Variants in MTG1 observed in about 807,000 individuals in gnomAD.
The protein encoded by MTG1 is mitochondrial ribosome-associated GTPase 1.
MTG1 carries 30 observed loss-of-function variants against 39.5 expected under a neutral mutation model. The ratio of observed to expected loss-of-function variants is 0.76; its 90% CI spans 0.57 to 1.03. The LOEUF (loss-of-function observed/expected upper bound fraction) is 1.03, where lower values mean the gene tolerates loss of function less well. Among genes scored for constraint, MTG1 ranks in the 50% least tolerant of loss-of-function variants. The pLI is 0.00. For missense variants in MTG1, 513 were observed against 447.4 expected, an observed-to-expected ratio of 1.15 and a Z score of -1.32; for synonymous variants, 217 against 179.0, an observed-to-expected ratio of 1.21 and a Z score of -1.69.
chr10:133,419,492 C>CTACG lies in MTG1; in HGVS notation c.766_769dup (p.Gly257ValfsTer8). The CTACG allele has an allele frequency of 1.9e-6, 3 of 1,601,128 alleles. No individual in the cohort carries two copies. The highest frequency in any genetic ancestry group is 2.6e-6 in the Non-Finnish European group (3 of 1,174,412). The stretch of plus-strand genomic sequence containing the variant: ...AGCCTATGTGCAGGTACGTGCAGCA[C>CTACG]TACGGCCTGGGCAGTGCCTGTGACA... On this transcript the variant is annotated frameshift_variant, in exon 10 of 11. Coordinates refer to ENST00000317502, the MANE Select transcript of MTG1 (RefSeq NM_138384.4). LOFTEE classifies it high-confidence loss of function.
intron 9 of MTG1, among the ~76,000 whole-genome samples, chr10:133,411,212 A>AT (rs61096899): frequency 0.26 from 39,154 of 151,000 alleles, 5,277 homozygotes; most frequent in Admixed American, 0.34. Flanking sequence ...TGACAGTTGC[A>AT]TTTTTTTTTC....
intron 9 of MTG1, among the ~76,000 whole-genome samples, chr10:133,416,716 CTACAAAGGACATGAACTCATCATTTT>C (rs1039275437): frequency 3.4e-5 from 5 of 146,280 alleles, no homozygotes; most frequent in Non-Finnish European, 7.5e-5. Context: ...ATCCATGTCC[CTACAAAGGACATGAACTCATCATTTT>C]TTATGGCTGC....
intron 9 of MTG1, among the ~76,000 whole-genome samples, chr10:133,413,064 A>G (rs1412345094): frequency 6.6e-6 from 1 of 152,144 alleles, no homozygotes; most frequent in East Asian, 1.9e-4. Context: ...TTTATCCTTC[A>G]GAATATTCTC....
Position 133,421,094 on chromosome 10 carries a change from G to A in MTG1, c.*929G>A, listed in dbSNP as rs1850225110. On this transcript the variant is annotated 3_prime_UTR_variant, in exon 11 of 11. Coordinates refer to ENST00000317502, the MANE Select transcript of MTG1 (RefSeq NM_138384.4). Reference sequence around the variant, plus strand: ...GAAGCTCCGGCTGCCTCTTTGCGGTGGTGGCCTGACCGTCCCACAGCAGCC... The same window carrying A: ...GAAGCTCCGGCTGCCTCTTTGCGGTAGTGGCCTGACCGTCCCACAGCAGCC... 1 of 152,464 alleles carries A rather than the reference G, an allele frequency of 6.6e-6. No homozygotes were observed. The highest frequency in any genetic ancestry group is 1.5e-5 in the Non-Finnish European group (1 of 68,272). 9.4% of individuals were successfully genotyped at this position (152,464 alleles called of 1,614,324 possible). A position where few individuals can be genotyped will look rare whatever the true frequency, so the allele number is the denominator to read the frequency against.
chr10:133,395,735 C>T lies in MTG1; in HGVS notation c.135C>T (p.Ser45=), dbSNP rs763735413. The T allele has an allele frequency of 6.2e-7, 1 of 1,614,096 alleles. No individual in the cohort carries two copies. The highest frequency in any genetic ancestry group is 8.5e-7 in the Non-Finnish European group (1 of 1,180,022). ...CAGGGCTGAAGAAGATGCAGAGCAG[C>T]CTGAAGCTGGTGGACTGTATCATCG... is the stretch of plus-strand genomic sequence containing the variant. ...MAKGLKKMQS[S]LKLVDCIIEV... The change falls in exon 2 of 11, where the codon AGC becomes AGT. Residue 45 remains serine (S), a synonymous_variant. Transcript: ENST00000317502.
intron 9 of MTG1, among the ~76,000 whole-genome samples, chr10:133,411,918 C>A (rs935197041): frequency 1.3e-5 from 2 of 151,904 alleles, no homozygotes; most frequent in African/African-American, 2.4e-5. Context: ...TGAGCGCTTA[C>A]ACGTTGCCAT....
intron 9 of MTG1, among the ~76,000 whole-genome samples, chr10:133,414,465 G>T (rs1850091910): frequency 6.6e-6 from 1 of 152,100 alleles, no homozygotes; most frequent in African/African-American, 2.4e-5. Context: ...CCGGGCAGAG[G>T]GGCTCCTCAC....
intron 9 of MTG1, among the ~76,000 whole-genome samples, chr10:133,403,862 C>T (rs376551097): frequency 2.6e-5 from 4 of 152,028 alleles, no homozygotes; most frequent in Admixed American, 6.6e-5. Context: ...CATTGTTTTC[C>T]AAGGTAGTTA....
At position 133,420,354 on chromosome 10, in the gene MTG1, G is replaced by C; in HGVS notation, c.*189G>C. Reference sequence around the variant, plus strand: ...TGCAGGGCCCAAGCAGGTGGGAGTGGACACCAGGCTTCCCAGTGGACGTCC... The same window carrying C: ...TGCAGGGCCCAAGCAGGTGGGAGTGCACACCAGGCTTCCCAGTGGACGTCC... On this transcript the variant is annotated 3_prime_UTR_variant, in exon 11 of 11. Transcript: ENST00000317502. 1 of 594,252 alleles carries C rather than the reference G, an allele frequency of 1.7e-6. No individual in the cohort carries two copies. Among genetic ancestry groups the C allele is most frequent in the Non-Finnish European group, 2.7e-6 (1 of 366,994 alleles). The allele number at this position is 594,252 out of a possible 1,614,324, so 36.8% of individuals were successfully genotyped here.
chr10:133,410,781 A>G (rs906875061), intron 9 of MTG1, among the ~76,000 whole-genome samples: 1 of 152,248 alleles, frequency 6.6e-6, no homozygotes, highest in African/African-American at 2.4e-5. Context: ...TTAAAAAACA[A>G]TCATTTTAAA....
At chr10:133,399,416 C>A in intron 5 of MTG1, 113 bp from the exon 6 acceptor site, 2 of 1,236,836 alleles carry the variant, frequency 1.6e-6, no homozygotes, top group Non-Finnish European at 1.2e-6. Flanking sequence ...GCGTTAACCT[C>A]CCTTCTTCCC....
At chr10:133,404,476 C>T (rs57019094) in intron 9 of MTG1, among the ~76,000 whole-genome samples, 76 of 37,376 alleles carry the variant, frequency 2.0e-3, no homozygotes, top group Admixed American at 0.013. Context: ...ATCAGAGATA[C>T]GGTTTGTAAA....
chr10:133,404,091 T>A (rs199971601), intron 9 of MTG1, among the ~76,000 whole-genome samples: 3 of 124,084 alleles, frequency 2.4e-5, no homozygotes, highest in African/African-American at 5.7e-5. Flanking sequence ...TTTTTTTTTT[T>A]AACTGAGTTG....
At chr10:133,409,616 T>A (rs1219742486) in intron 9 of MTG1, among the ~76,000 whole-genome samples, 1 of 151,100 alleles carries the variant, frequency 6.6e-6, no homozygotes, top group Non-Finnish European at 1.5e-5. Context: ...GGAGAGGGGG[T>A]GTTGAAGCCC....
At chr10:133,397,250 G>A (rs1003840080) in intron 3 of MTG1, among the ~76,000 whole-genome samples, 3 of 152,020 alleles carry the variant, frequency 2.0e-5, no homozygotes, top group Admixed American at 6.5e-5. Context: ...CTCTCTCTCT[G>A]CCTTGGCTGC....
In MTG1 at chr10:133,412,107, A is replaced by G. The variant is rs140609089; in HGVS notation, c.753-7373A>G. Reference sequence around the variant, plus strand: ...TTTGCTTAGAGGTTTTTTGCAGCTTACTTTCTGCCTGGAGTTTTTTTCACT... The same window carrying G: ...TTTGCTTAGAGGTTTTTTGCAGCTTGCTTTCTGCCTGGAGTTTTTTTCACT... On this transcript the variant is annotated intron_variant, in intron 9 of 10. Coordinates refer to ENST00000317502, the MANE Select transcript of MTG1 (RefSeq NM_138384.4). 4.6e-3 allele frequency among the ~76,000 whole-genome samples: 690 copies of G among 151,028 alleles called. 3 individuals are homozygous for G. Among genetic ancestry groups the G allele is most frequent in the Non-Finnish European group, 7.8e-3 (531 of 67,806 alleles).
In MTG1 at chr10:133,402,100, G is replaced by T. The variant is rs922161523; in HGVS notation, c.574-49G>T. On this transcript the variant is annotated intron_variant, in intron 7 of 10. Transcript: ENST00000317502. The surrounding 1 kb of genome is among the most constrained non-coding windows in gnomAD (Gnocchi z 4.7). ...CCAGGCTTCCTGAGTGGCCCACCTG[G>T]GTGGGAGGCTGCCACCGCGGCCTGA... 5 of 1,611,256 alleles carry T rather than the reference G, an allele frequency of 3.1e-6. No homozygotes were observed. Among genetic ancestry groups the T allele is most frequent in the Non-Finnish European group, 4.2e-6 (5 of 1,178,696 alleles).
At chr10:133,395,373 T>C (rs538125233) in intron 1 of MTG1, among the ~76,000 whole-genome samples, 5 of 152,220 alleles carry the variant, frequency 3.3e-5, no homozygotes, top group East Asian at 3.9e-4. Context: ...CCAGCCTGGG[T>C]GACAGAGCAA....
rs1850213118 is a variant in MTG1, at chr10:133,420,401, G to A, written c.*236G>A. On this transcript the variant is annotated 3_prime_UTR_variant, in exon 11 of 11. Transcript: ENST00000317502. The stretch of plus-strand genomic sequence containing the variant: ...GTCCCTGAGCAGCTCCGCATGCTTG[G>A]TTCTCCCGGAGCTTCCTGCTCAGGC... 4.5e-6 allele frequency: 2 copies of A among 445,480 alleles called. No individual in the cohort carries two copies. Among genetic ancestry groups the A allele is most frequent in the Non-Finnish European group, 7.8e-6 (2 of 254,986 alleles). 27.6% of individuals were successfully genotyped at this position (445,480 alleles called of 1,614,324 possible).
Sources: gnomAD v4.1 joint callset for allele counts (sites outside exome capture counted in the v4.1 genomes callset) on GRCh38, gnomAD v4.1.1 for gene constraint, Gnocchi (gnomAD v3.1) non-coding constraint, MANE v1.5 for transcripts, NCBI Gene and HGNC (gene_info 2026-07-23, HGNC 2026-07-21) for gene names.